Variants in PLCE1 observed in about 807,000 individuals in gnomAD.
The protein encoded by PLCE1 is 1-phosphatidylinositol 4,5-bisphosphate phosphodiesterase epsilon-1.
A neutral mutation model predicts 242.8 loss-of-function variants in PLCE1; 119 were observed. The observed-to-expected ratio is 0.49, with a 90% confidence interval of 0.42 to 0.57. The LOEUF (loss-of-function observed/expected upper bound fraction) is 0.57, where lower values mean the gene tolerates loss of function less well. Among genes scored for constraint, PLCE1 ranks in the 20% least tolerant of loss-of-function variants. The probability of loss-of-function intolerance (pLI) is 0.00; values close to 1 mark genes in which losing one functional copy is unlikely to be tolerated. For missense variants in PLCE1, 2,441 were observed against 2,788.8 expected (o/e 0.88, Z 2.81); for synonymous variants, 945 against 1,017.4 (o/e 0.93, Z 1.35).
At chr10:94,146,037 G>A (rs2047101329) in intron 3 of PLCE1, among the ~76,000 whole-genome samples, 2 of 152,096 alleles carry the variant, frequency 1.3e-5, no homozygotes, top group Non-Finnish European at 2.9e-5. Flanking sequence ...TGGTAGCTGT[G>A]GTTACAGTTT....
chr10:94,191,864 A>G (rs1308171718), intron 4 of PLCE1, among the ~76,000 whole-genome samples: 1 of 152,194 alleles, frequency 6.6e-6, no homozygotes, highest in African/African-American at 2.4e-5. Flanking sequence ...TAACTGGAGA[A>G]ATTTCACACA....
chr10:94,183,652 G>A (rs369030486), intron 4 of PLCE1, among the ~76,000 whole-genome samples: 1 of 152,200 alleles, frequency 6.6e-6, no homozygotes, highest in Non-Finnish European at 1.5e-5. Context: ...AGATACCTGA[G>A]GCTGGGTAAT....
chr10:94,227,140 G>A, intron 4 of PLCE1, 166 bp from the exon 5 acceptor site: 1 of 648,984 alleles, frequency 1.5e-6, no homozygotes, highest in Non-Finnish European at 2.8e-6. Flanking sequence ...GCCTCCCAAA[G>A]TGCTGGGATT....
chr10:94,172,252 G>T (rs908110479), intron 4 of PLCE1, among the ~76,000 whole-genome samples: 11 of 152,294 alleles, frequency 7.2e-5, no homozygotes, highest in Admixed American at 7.2e-4. Context: ...CTGGGGTTGG[G>T]CGGACTGCAC....
intron 28 of PLCE1, among the ~76,000 whole-genome samples, chr10:94,313,746 C>T (rs1045171066): frequency 3.3e-5 from 5 of 150,902 alleles, no homozygotes; most frequent in Non-Finnish European, 3.0e-5. Context: ...TCCTTCTTCA[C>T]GCAGAGATTA....
chr10:94,277,613 G>T (rs964579245), intron 19 of PLCE1, among the ~76,000 whole-genome samples: 2 of 152,080 alleles, frequency 1.3e-5, no homozygotes, highest in Admixed American at 6.6e-5. Flanking sequence ...CCAGCCCTTG[G>T]CGTCATCATT....
intron 2 of PLCE1, among the ~76,000 whole-genome samples, chr10:94,044,513 A>G (rs2061839675): frequency 6.6e-6 from 1 of 152,240 alleles, no homozygotes; most frequent in Non-Finnish European, 1.5e-5. Context: ...TATGTTTTGT[A>G]TACAAAACAC....
chr10:94,229,220 G>C (rs1191899570), intron 5 of PLCE1, among the ~76,000 whole-genome samples: 1 of 149,950 alleles, frequency 6.7e-6, no homozygotes, highest in African/African-American at 2.5e-5. Flanking sequence ...ACAGAAAAAA[G>C]AAAATATGTA....
intron 7 of PLCE1, among the ~76,000 whole-genome samples, chr10:94,238,472 C>T (rs1057220084): frequency 6.6e-6 from 1 of 152,148 alleles, no homozygotes; most frequent in Non-Finnish European, 1.5e-5. Flanking sequence ...ATCCTTTGTC[C>T]TAAAATGCTT....
chr10:94,023,384 A>G (rs1451821584), intron 1 of PLCE1, among the ~76,000 whole-genome samples: 4 of 152,158 alleles, frequency 2.6e-5, no homozygotes, highest in African/African-American at 9.7e-5. Flanking sequence ...CTCTCTTTTC[A>G]TATCATCAAA....
intron 1 of PLCE1, among the ~76,000 whole-genome samples, chr10:94,019,367 T>C (rs975424435): frequency 1.3e-5 from 2 of 152,192 alleles, no homozygotes; most frequent in Non-Finnish European, 2.9e-5. Context: ...GAGTAAAGTA[T>C]ACATCTATAT....
intron 2 of PLCE1, among the ~76,000 whole-genome samples, chr10:94,067,390 C>A (rs1307199939): frequency 6.6e-6 from 1 of 152,188 alleles, no homozygotes; most frequent in African/African-American, 2.4e-5. Context: ...ACTCTTGCTG[C>A]CCCCAAACAT....
chr10:94,276,357 C>A (rs1173717878), intron 19 of PLCE1, among the ~76,000 whole-genome samples: 1 of 152,190 alleles, frequency 6.6e-6, no homozygotes, highest in Non-Finnish European at 1.5e-5. Flanking sequence ...TAGTCTCAGA[C>A]TTGGGTCTTT....
intron 4 of PLCE1, among the ~76,000 whole-genome samples, chr10:94,175,774 T>A (rs1164657074): frequency 6.6e-6 from 1 of 152,120 alleles, no homozygotes; most frequent in East Asian, 1.9e-4. Flanking sequence ...TCTCCATGAG[T>A]TCAATTGTTT....
intron 2 of PLCE1, chr10:94,088,307 A>T (rs1203931222): frequency 1.3e-5 from 2 of 152,252 alleles, no homozygotes; most frequent in Non-Finnish European, 2.9e-5. Flanking sequence ...GATCAGTAAT[A>T]CATCCAAACC....
intron 2 of PLCE1, among the ~76,000 whole-genome samples, chr10:94,093,447 A>G (rs1397448637): frequency 6.6e-6 from 1 of 152,214 alleles, no homozygotes; most frequent in Non-Finnish European, 1.5e-5. Context: ...AGAAACAAAT[A>G]GGCAGTGACT....
At chr10:94,104,356 G>A (rs1274444743) in intron 2 of PLCE1, 2 of 152,168 alleles carry the variant, frequency 1.3e-5, no homozygotes, top group East Asian at 3.8e-4. Flanking sequence ...TGCATTACTC[G>A]TGGTTAGTAG....
At chr10:94,233,534 A>G (rs536466821) in intron 5 of PLCE1, among the ~76,000 whole-genome samples, 6 of 152,294 alleles carry the variant, frequency 3.9e-5, no homozygotes, top group African/African-American at 1.4e-4. Flanking sequence ...AACGCGTCCC[A>G]TATGCCTATT....
At chr10:94,234,769 C>G (rs965624483) in intron 6 of PLCE1, among the ~76,000 whole-genome samples, 20 of 152,082 alleles carry the variant, frequency 1.3e-4, no homozygotes, top group African/African-American at 4.6e-4. Flanking sequence ...GAGACAAGCT[C>G]CAGGCTCCTG....
Sources: allele counts gnomAD v4.1 joint callset (sites outside exome capture counted in the v4.1 genomes callset), GRCh38; gene constraint gnomAD v4.1.1; transcripts MANE v1.5; gene names NCBI Gene and HGNC (gene_info 2026-07-23, HGNC 2026-07-21).